The following DYNLT3 variants were observed in gnomAD, a reference collection of about 807,000 sequenced individuals.
DYNLT3 encodes protein 91/23.
DYNLT3 carries 4 observed loss-of-function variants against 11.0 expected under a neutral mutation model. The observed-to-expected ratio is 0.36, with a 90% CI of 0.18 to 0.83. The LOEUF is 0.83. Ranked by LOEUF, DYNLT3 falls within the 40% of genes least tolerant of loss-of-function variation. The probability of loss-of-function intolerance (pLI) is 0.47; values close to 1 mark genes in which losing one functional copy is unlikely to be tolerated. For synonymous variants in DYNLT3, 37 were observed against 31.2 expected, an observed-to-expected ratio of 1.18 and a Z score of -0.61; for missense variants, 91 against 91.1, an observed-to-expected ratio of 1.00 and a Z score of 0.01.
intron 1 of DYNLT3, chrX:37,847,265 G>T: frequency 1.1e-6 from 1 of 901,270 alleles, no homozygotes; most frequent in Non-Finnish European, 1.5e-6. Context: ...TGATCCGCGC[G>T]CTCCTGGCCA....
At position 37,839,381 on chromosome X, in the gene DYNLT3, T is replaced by C. The variant is rs1930099037; in HGVS notation, c.*1194A>G. ...TATTTTCTTAATAAATTTAATTACA[T>C]TTCATAAGCCCTGAGATAACGTGCT... On this transcript the variant is annotated 3_prime_UTR_variant, in exon 5 of 5. Transcript: ENST00000378578. 1 of 112,180 alleles carries C rather than the reference T, an allele frequency of 8.9e-6. No individual in the cohort carries two copies. Among genetic ancestry groups the C allele is most frequent in the African/African-American group, 3.2e-5 (1 of 30,807 alleles). 9.2% of individuals were successfully genotyped at this position (112,180 alleles called of 1,213,427 possible).
At position 37,840,755 on chromosome X, in the gene DYNLT3, C is replaced by CAGACAA. The variant is rs1439805566; in HGVS notation, c.275-105_275-104insTTGTCT. On this transcript the variant is annotated intron_variant, in intron 4 of 4. Transcript: ENST00000378578. Reference sequence around the variant, plus strand: ...ACACACACACACACACACATATACACACACACACACACACACACACACACA... The same window carrying CAGACAA: ...ACACACACACACACACACATATACACAGACAAACACACACACACACACACACACACA... 430 of 218,338 alleles carry CAGACAA rather than the reference C, an allele frequency of 2.0e-3. 2 individuals are homozygous for CAGACAA. In the African/African-American group the frequency reaches 0.032, roughly 16 times the overall value. The allele number at this position is 218,338 out of a possible 1,213,427, so 18.0% of individuals were successfully genotyped here.
At chrX:37,842,469 T>C (rs1478500912) in intron 2 of DYNLT3, among the ~76,000 whole-genome samples, 1 of 112,008 alleles carries the variant, frequency 8.9e-6, no homozygotes, top group Non-Finnish European at 1.9e-5. Flanking sequence ...TATGTGATTG[T>C]TTAGCTATGA....
chrX:37,843,271 C>A (rs1930206124), intron 2 of DYNLT3, among the ~76,000 whole-genome samples: 2 of 112,147 alleles, frequency 1.8e-5, no homozygotes, highest in African/African-American at 6.5e-5. Flanking sequence ...TTTGGACAAA[C>A]CTATTCCTCT....
chrX:37,842,475 T>C (rs1930191252), intron 2 of DYNLT3, among the ~76,000 whole-genome samples: 1 of 111,643 alleles, frequency 9.0e-6, no homozygotes, highest in Non-Finnish European at 1.9e-5. Context: ...ATTGTTTAGC[T>C]ATGAAACAAC....
chrX:37,846,187 A>C (rs1350797633), intron 2 of DYNLT3, 130 bp downstream of exon 2: 7 of 695,311 alleles, frequency 1.0e-5, no homozygotes, highest in Non-Finnish European at 1.0e-5. Context: ...CAATAAAATA[A>C]AATAAAACAA....
chrX:37,841,979 G>A (rs369010008), intron 2 of DYNLT3, 74 bp from the exon 3 acceptor site: 2 of 943,565 alleles, frequency 2.1e-6, no homozygotes, highest in African/African-American at 2.0e-5. Context: ...ACAAATTGCA[G>A]TAAAAATTTA....
At chrX:37,840,781 CACACACACAT>C (rs1388608914) in intron 4 of DYNLT3, 130 bp from the exon 5 acceptor site, 7 of 394,528 alleles carry the variant, frequency 1.8e-5, no homozygotes, top group Middle Eastern at 7.0e-4. Context: ...CACACACACA[CACACACACAT>C]ATATATATAT....
intron 2 of DYNLT3, among the ~76,000 whole-genome samples, chrX:37,844,152 T>A (rs1262912337): frequency 2.7e-5 from 3 of 112,522 alleles, no homozygotes; most frequent in African/African-American, 9.7e-5. Flanking sequence ...CAAGAAAAAC[T>A]GATGTTCTAA....
At chrX:37,842,301 A>T (rs1051698869) in intron 2 of DYNLT3, among the ~76,000 whole-genome samples, 1 of 112,131 alleles carries the variant, frequency 8.9e-6, no homozygotes, top group Non-Finnish European at 1.9e-5. Flanking sequence ...GTTAACAAGT[A>T]GCTTTGAAAC....
rs367889176 is a variant in DYNLT3 at position 37,847,482 on chromosome X, T to A, written c.29A>T (p.Glu10Val). The A allele has an allele frequency of 5.0e-5, 50 of 999,174 alleles. No individual in the cohort carries two copies. The highest frequency in any genetic ancestry group is 5.6e-5 in the Non-Finnish European group (44 of 788,395). 82.3% of individuals were successfully genotyped at this position (999,174 alleles called of 1,213,427 possible). A position where few individuals can be genotyped will look rare whatever the true frequency, so the allele number is the denominator to read the frequency against. Residue 10 changes from glutamate (E) to valine (V), a missense_variant and splice_region_variant, in exon 1 of 5, where the codon GAG becomes GTG. Transcript: ENST00000378578. MEEYHRHCD[E>V]VGFNAEEAHN... ...TCCCAGGTAGCCAAGGGGCGGTACCTCGTCGCAGTGGCGATGGTACTCCTC... is the reference window on the plus strand; with the variant it reads ...TCCCAGGTAGCCAAGGGGCGGTACCACGTCGCAGTGGCGATGGTACTCCTC...
At chrX:37,847,107 G>A in intron 1 of DYNLT3, 1 of 1,161,254 alleles carries the variant, frequency 8.6e-7, no homozygotes, top group Non-Finnish European at 1.1e-6. Context: ...TGCAGCACCC[G>A]CGCTGAGGAA....
intron 3 of DYNLT3, among the ~76,000 whole-genome samples, chrX:37,841,458 G>A (rs1602196036): frequency 9.0e-6 from 1 of 110,776 alleles, no homozygotes. Context: ...AACAGTTGCT[G>A]TGTGGAATTA....
At chrX:37,841,269 A>G (rs1167739611) in intron 3 of DYNLT3, among the ~76,000 whole-genome samples, 164 bp from the exon 4 acceptor site, 2 of 112,267 alleles carry the variant, frequency 1.8e-5, no homozygotes, top group African/African-American at 3.2e-5. Context: ...TGAAAAAAAA[A>G]TAAAAGACTC....
chrX:37,841,256 G>A, intron 3 of DYNLT3, 151 bp from the exon 4 acceptor site: 1 of 402,527 alleles, frequency 2.5e-6, no homozygotes, highest in Non-Finnish European at 4.2e-6. Context: ...TCAGCAAATA[G>A]ATTGAAAAAA....
chrX:37,840,558 C>G lies in DYNLT3; in HGVS notation c.*17G>C, dbSNP rs768001767. 11 of 1,177,252 alleles carry G rather than the reference C, an allele frequency of 9.3e-6. No individual in the cohort carries two copies. Among genetic ancestry groups the G allele is most frequent in the Non-Finnish European group, 1.0e-5 (9 of 879,000 alleles). ...AAATTCTTAAGTTAATGGCTTTAGC[C>G]CAACATTTTTAGTCAGTTAAAGAAC... is the stretch of plus-strand genomic sequence containing the variant. On this transcript the variant is annotated 3_prime_UTR_variant, in exon 5 of 5. Transcript: ENST00000378578.
chrX:37,839,765 G>T lies in DYNLT3; in HGVS notation c.*810C>A, dbSNP rs1930104986. ...TCTTCCAACTGAACAATTGCTAAAA[G>T]GAACTTAGCATTTGCACAGCACATT... On this transcript the variant is annotated 3_prime_UTR_variant, in exon 5 of 5. Transcript: ENST00000378578. 1 of 112,348 alleles carries T rather than the reference G, an allele frequency of 8.9e-6. No homozygotes were observed. The highest frequency in any genetic ancestry group is 9.5e-5 in the Admixed American group (1 of 10,540). 9.3% of individuals were successfully genotyped at this position (112,348 alleles called of 1,213,427 possible).
rs1268484722 is a variant in DYNLT3 at position 37,839,917 on chromosome X, T to TAATTTTATTTAACTAGGA, written c.*640_*657dup. On this transcript the variant is annotated 3_prime_UTR_variant, in exon 5 of 5. Transcript: ENST00000378578. ...TACACTGTTCATCATATACTGCAAC[T>TAATTTTATTTAACTAGGA]AATTTTATTTAACTAGGAAATTCAG... The TAATTTTATTTAACTAGGA allele has an allele frequency of 4.5e-5, 5 of 112,230 alleles. 1 individual carries two copies. Among genetic ancestry groups the TAATTTTATTTAACTAGGA allele is most frequent in the African/African-American group, 9.7e-5 (3 of 30,788 alleles). The allele number at this position is 112,230 out of a possible 1,213,427, so 9.2% of individuals were successfully genotyped here.
Position 37,846,697 on chromosome X carries a change from A to G in DYNLT3, c.31-339T>C, listed in dbSNP as rs562793976. On this transcript the variant is annotated intron_variant, in intron 1 of 4. Transcript: ENST00000378578. ...TGAGGATGTTATGTGTCATAAGAAT[A>G]TAGAAATGGTTTCAGCTAAGTGAGA... 6.2e-5 allele frequency among the ~76,000 whole-genome samples: 7 copies of G among 112,070 alleles called. No individual in the cohort carries two copies. The East Asian group carries it at 1.9e-3, about 31-fold the overall frequency.
Sources: gnomAD v4.1 joint callset for allele counts (sites outside exome capture counted in the v4.1 genomes callset) on GRCh38, gnomAD v4.1.1 for gene constraint, MANE v1.5 for transcripts, NCBI Gene and HGNC (gene_info 2026-07-23, HGNC 2026-07-21) for gene names.